Variants in SAV1 observed in about 807,000 individuals in gnomAD.
The protein encoded by SAV1 is salvador family WW domain containing protein 1, also known as protein salvador homolog 1.
A neutral mutation model predicts 47.3 loss-of-function variants in SAV1; 23 were observed. The ratio of observed to expected loss-of-function variants is 0.49; its 90% CI spans 0.35 to 0.69. The LOEUF (loss-of-function observed/expected upper bound fraction) is 0.69, where lower values mean the gene tolerates loss of function less well. Among genes scored for constraint, SAV1 ranks in the 30% least tolerant of loss-of-function variants. The probability of loss-of-function intolerance (pLI) is 0.01; values close to 1 mark genes in which losing one functional copy is unlikely to be tolerated. For synonymous variants in SAV1, 155 were observed against 159.2 expected (o/e 0.97, Z 0.20); for missense variants, 448 against 457.4 (o/e 0.98, Z 0.19).
rs1426472394 is a variant in SAV1 at position 50,633,597 on chromosome 14, A to T, written c.*1586T>A. 6.6e-6 allele frequency: 1 copy of T among 152,570 alleles called. No individual in the cohort carries two copies. The highest frequency in any genetic ancestry group is 1.5e-5 in the Non-Finnish European group (1 of 68,024). The allele number at this position is 152,570 out of a possible 1,614,324, so 9.5% of individuals were successfully genotyped here. A position where few individuals can be genotyped will look rare whatever the true frequency, so the allele number is the denominator to read the frequency against. On this transcript the variant is annotated 3_prime_UTR_variant, in exon 5 of 5. Transcript: ENST00000324679. ...CCTTTTGAACAGAAAAATGAAATAC[A>T]GCACTATGTCTAAAACATGGACTCA...
Position 50,642,218 on chromosome 14 carries a change from G to A in SAV1, c.807-1325C>T, listed in dbSNP as rs189385101. 2.7e-3 allele frequency among the ~76,000 whole-genome samples: 411 copies of A among 152,264 alleles called. 1 individual carries two copies. The highest frequency in any genetic ancestry group is 4.8e-3 in the Non-Finnish European group (328 of 67,998). On this transcript the variant is annotated intron_variant, in intron 3 of 4. Transcript: ENST00000324679. ...GCCTACTTGCGGGCAGAGGATGGGA[G>A]AAGCATGAGGATTGAAAACTACCTA... is the stretch of plus-strand genomic sequence containing the variant.
At chr14:50,666,024 T>G (rs1018742770) in intron 1 of SAV1, among the ~76,000 whole-genome samples, 7 of 152,226 alleles carry the variant, frequency 4.6e-5, no homozygotes, top group Admixed American at 2.0e-4. Context: ...TTGTTCTCAC[T>G]TCATTTTAGA....
chr14:50,635,691 T>G (rs1308899631), intron 4 of SAV1, among the ~76,000 whole-genome samples: 1 of 152,196 alleles, frequency 6.6e-6, no homozygotes, highest in African/African-American at 2.4e-5. Flanking sequence ...AGTTATTAAC[T>G]GCTATTTACA....
chr14:50,645,260 CCATA>C (rs771658156), intron 2 of SAV1, among the ~76,000 whole-genome samples: 9 of 151,998 alleles, frequency 5.9e-5, no homozygotes, highest in Non-Finnish European at 1.0e-4. Flanking sequence ...CATCAACAGG[CCATA>C]CAAACACTTA....
At chr14:50,641,562 C>T (rs1056285490) in intron 3 of SAV1, among the ~76,000 whole-genome samples, 1 of 152,168 alleles carries the variant, frequency 6.6e-6, no homozygotes, top group African/African-American at 2.4e-5. Flanking sequence ...CACCTTCAAA[C>T]ATAAAGATTT....
intron 2 of SAV1, among the ~76,000 whole-genome samples, chr14:50,651,915 C>T (rs761993864): frequency 6.6e-6 from 1 of 152,188 alleles, no homozygotes; most frequent in African/African-American, 2.4e-5. Flanking sequence ...TACAGGCATG[C>T]GCCCCTGTGC....
chr14:50,643,707 T>C (rs915516227), intron 3 of SAV1, among the ~76,000 whole-genome samples: 1 of 152,194 alleles, frequency 6.6e-6, no homozygotes, highest in South Asian at 2.1e-4. Context: ...ACAACCTCAG[T>C]AGTTGAATAA....
chr14:50,644,825 C>T lies in SAV1; in HGVS notation c.725G>A (p.Arg242Gln), dbSNP rs2039707670. The stretch of plus-strand genomic sequence containing the variant: ...GGTTCCAAATTCGGATGACTCAACT[C>T]GTTCCCATCCAGGAGGAAGTCCTTC... ...EREGLPPGWE[R>Q]VESSEFGTYY... Residue 242 changes from arginine to glutamine, a missense_variant, in exon 3 of 5, where the codon CGA becomes CAA. Physicochemically the swap from Arg to Gln is conservative, Grantham distance 43. Transcript: ENST00000324679. 1.2e-6 allele frequency: 2 copies of T among 1,613,992 alleles called. No individual in the cohort carries two copies. The highest frequency in any genetic ancestry group is 2.2e-5 in the South Asian group (2 of 91,084).
chr14:50,653,898 T>C (rs552392287), intron 2 of SAV1, among the ~76,000 whole-genome samples: 13 of 152,084 alleles, frequency 8.5e-5, no homozygotes, highest in Non-Finnish European at 1.6e-4. Flanking sequence ...TTTTACAATA[T>C]ATTGCAGTCT....
chr14:50,647,924 A>G (rs1405688469), intron 2 of SAV1, among the ~76,000 whole-genome samples: 1 of 152,224 alleles, frequency 6.6e-6, no homozygotes, highest in Non-Finnish European at 1.5e-5. Context: ...CATATGCTAC[A>G]GCAATCCCAT....
Position 50,665,435 on chromosome 14 carries a change from T to C in SAV1, c.279A>G (p.Leu93=). 6.2e-7 allele frequency: 1 copy of C among 1,613,548 alleles called. No homozygotes were observed. Among genetic ancestry groups the C allele is most frequent in the Non-Finnish European group, 8.5e-7 (1 of 1,179,668 alleles). Residue 93 remains leucine, a synonymous_variant, in exon 2 of 5, where the codon TTA becomes TTG. Transcript: ENST00000324679. ...TTCTGGCAAGATAAGAAGGTGCAGA[T>C]AATCTGTTGCTTTCTCTTCTCATTA... ...HEIMRRESNR[L]SAPSYLARSL...
At chr14:50,661,838 T>G (rs2039862750) in intron 2 of SAV1, among the ~76,000 whole-genome samples, 3 of 152,202 alleles carry the variant, frequency 2.0e-5, no homozygotes, top group Admixed American at 2.0e-4. Flanking sequence ...TACTATAGCC[T>G]TATTTGTGGT....
At chr14:50,662,605 A>C (rs1453452151) in intron 2 of SAV1, 1 of 152,246 alleles carries the variant, frequency 6.6e-6, no homozygotes, top group Non-Finnish European at 1.5e-5. Flanking sequence ...ATTGCTCCTA[A>C]GAGAGGATCA....
intron 3 of SAV1, among the ~76,000 whole-genome samples, chr14:50,642,479 A>G (rs965672626): frequency 1.3e-5 from 2 of 150,802 alleles, no homozygotes; most frequent in African/African-American, 2.5e-5. Flanking sequence ...ACAAAAGTGA[A>G]ACTCCGTCTC....
chr14:50,657,204 T>C (rs1045617845), intron 2 of SAV1, among the ~76,000 whole-genome samples: 1 of 152,036 alleles, frequency 6.6e-6, no homozygotes, highest in African/African-American at 2.4e-5. Flanking sequence ...CCAGCTAATT[T>C]TTGTATTTTT....
intron 2 of SAV1, among the ~76,000 whole-genome samples, chr14:50,658,097 CT>C (rs1230683898): frequency 6.6e-6 from 1 of 152,108 alleles, no homozygotes; most frequent in Non-Finnish European, 1.5e-5. Flanking sequence ...CAACCAAATG[CT>C]TTCTCTCTTC....
chr14:50,650,402 A>G (rs183977231), intron 2 of SAV1, among the ~76,000 whole-genome samples: 6 of 152,320 alleles, frequency 3.9e-5, no homozygotes, highest in African/African-American at 1.4e-4. Context: ...TATGTGAAAA[A>G]AGAGTCTGGA....
chr14:50,640,293 T>C (rs184243765), intron 4 of SAV1, among the ~76,000 whole-genome samples: 1 of 152,234 alleles, frequency 6.6e-6, no homozygotes, highest in African/African-American at 2.4e-5. Flanking sequence ...ATTTTTAAAA[T>C]TTTTCTGTGG....
At chr14:50,653,637 G>A (rs1471560100) in intron 2 of SAV1, among the ~76,000 whole-genome samples, 1 of 152,126 alleles carries the variant, frequency 6.6e-6, no homozygotes. Flanking sequence ...TTGGGAGGCC[G>A]AGGCAGGTGT....
Sources: gnomAD v4.1 joint callset for allele counts (sites outside exome capture counted in the v4.1 genomes callset) on GRCh38, gnomAD v4.1.1 for gene constraint, MANE v1.5 for transcripts, NCBI Gene and HGNC (gene_info 2026-07-23, HGNC 2026-07-21) for gene names.